The following FAM13C variants were observed in gnomAD, a reference collection of about 807,000 sequenced individuals.
FAM13C encodes family with sequence similarity 13 member C.
Under a neutral mutation model 73.2 loss-of-function variants are expected in FAM13C, and 37 were observed. The ratio of observed to expected loss-of-function variants is 0.51; its 90% CI spans 0.39 to 0.67. The LOEUF (loss-of-function observed/expected upper bound fraction) is 0.67, where lower values mean the gene tolerates loss of function less well. FAM13C is among the 30% of genes least tolerant of loss of function. FAM13C has a pLI of 0.00. For missense variants in FAM13C, 589 were observed against 715.6 expected, an observed-to-expected ratio of 0.82 and a Z score of 2.02; for synonymous variants, 246 against 260.9, an observed-to-expected ratio of 0.94 and a Z score of 0.55.
intron 3 of FAM13C, among the ~76,000 whole-genome samples, chr10:59,342,222 C>A (rs941273729): frequency 3.5e-4 from 53 of 152,110 alleles, no homozygotes; most frequent in African/African-American, 1.1e-3. Flanking sequence ...GCTTTATTAT[C>A]CCAAGAGAGT....
At chr10:59,278,085 A>T (rs1362257392) in intron 6 of FAM13C, among the ~76,000 whole-genome samples, 1 of 152,156 alleles carries the variant, frequency 6.6e-6, no homozygotes, top group Non-Finnish European at 1.5e-5. Flanking sequence ...CAGACAAGAG[A>T]AGAGAGCTTG....
intron 13 of FAM13C, 49 bp downstream of exon 13, chr10:59,251,526 C>T (rs1252644568): frequency 6.6e-7 from 1 of 1,514,492 alleles, no homozygotes; most frequent in Admixed American, 1.7e-5. Context: ...TTTTTAACAG[C>T]AATTCTCTAG....
rs954565888 is a variant in FAM13C, at chr10:59,317,851, G to A, written c.443+6137C>T. On this transcript the variant is annotated intron_variant, in intron 4 of 13. Coordinates refer to ENST00000618804, the MANE Select transcript of FAM13C (RefSeq NM_198215.4). ...GCTGGTGTGCTGCACCCATTAACTCGTCATTTAGCGTTAGGTATATCTCCT... is the reference window on the plus strand; with the variant it reads ...GCTGGTGTGCTGCACCCATTAACTCATCATTTAGCGTTAGGTATATCTCCT... Among the ~76,000 whole-genome samples the A allele has an allele frequency of 7.9e-5, 12 of 151,742 alleles. No homozygotes were observed. The South Asian group carries it at 1.9e-3, about 24-fold the overall frequency.
At position 59,251,590 on chromosome 10, in the gene FAM13C, A is replaced by C. The variant is rs1275392049; in HGVS notation, c.1619T>G (p.Phe540Cys). 6.2e-7 allele frequency: 1 copy of C among 1,613,738 alleles called. No individual in the cohort carries two copies. The highest frequency in any genetic ancestry group is 1.3e-5 in the African/African-American group (1 of 75,012). Reference sequence around the variant, plus strand: ...CGACACATACCTTCCTGTTTGTTTAAAAAACTGTTCTTCAAATTCTCTTAA... The same window carrying C: ...CGACACATACCTTCCTGTTTGTTTACAAAACTGTTCTTCAAATTCTCTTAA... ...KALREFEEQFFKQTGRSPQKE... is the reference protein window; with the variant it reads ...KALREFEEQFCKQTGRSPQKE... Residue 540 changes from phenylalanine to cysteine, a missense_variant, in exon 13 of 14, where the codon TTT becomes TGT. By Grantham distance (205) the Phe-to-Cys change is radical (BLOSUM62 -2). Coordinates refer to ENST00000618804, the MANE Select transcript of FAM13C (RefSeq NM_198215.4).
At chr10:59,299,004 G>A (rs1383457841) in intron 5 of FAM13C, among the ~76,000 whole-genome samples, 1 of 152,110 alleles carries the variant, frequency 6.6e-6, no homozygotes, top group Non-Finnish European at 1.5e-5. Context: ...TAGTGAATGG[G>A]TATAAAGTTT....
chr10:59,354,452 A>G (rs1293137773), intron 2 of FAM13C, among the ~76,000 whole-genome samples: 1 of 152,234 alleles, frequency 6.6e-6, no homozygotes, highest in African/African-American at 2.4e-5. Flanking sequence ...TGACTGAGAA[A>G]AAGCATGGTG....
chr10:59,313,916 A>G (rs1849232412), intron 4 of FAM13C, among the ~76,000 whole-genome samples: 1 of 152,196 alleles, frequency 6.6e-6, no homozygotes, highest in Non-Finnish European at 1.5e-5. Context: ...AAACTTTACT[A>G]AACTACTGAA....
At chr10:59,336,699 T>C (rs1209958645) in intron 3 of FAM13C, among the ~76,000 whole-genome samples, 1 of 152,266 alleles carries the variant, frequency 6.6e-6, no homozygotes, top group Admixed American at 6.5e-5. Context: ...AGAGTTCAGA[T>C]GCTTGGCAGC....
chr10:59,298,917 A>G (rs1043348040), intron 5 of FAM13C, among the ~76,000 whole-genome samples: 2 of 152,222 alleles, frequency 1.3e-5, no homozygotes, highest in Non-Finnish European at 2.9e-5. Flanking sequence ...AAAAAAGCCA[A>G]ACTTTTAGTA....
intron 6 of FAM13C, 122 bp from the exon 7 acceptor site, chr10:59,270,231 C>G: frequency 1.1e-6 from 1 of 940,542 alleles, no homozygotes; most frequent in Non-Finnish European, 1.6e-6. Flanking sequence ...TTTCTTCCTT[C>G]TGGGGATATG....
rs535781369 is a variant in FAM13C, at chr10:59,341,937, T to C, written c.324+10333A>G. Among the ~76,000 whole-genome samples the C allele has an allele frequency of 1.2e-4, 19 of 152,324 alleles. No homozygotes were observed. In the South Asian group the frequency reaches 3.9e-3, roughly 32 times the overall value. ...CTCACCTGTGACACTAGCCTCAGTC[T>C]AGAGCAGCAGTTTTCAAAGCCACAG... On this transcript the variant is annotated intron_variant, in intron 3 of 13. Coordinates refer to ENST00000618804, the MANE Select transcript of FAM13C (RefSeq NM_198215.4).
intron 6 of FAM13C, among the ~76,000 whole-genome samples, chr10:59,273,073 C>T (rs775026159): frequency 2.1e-4 from 32 of 152,058 alleles, no homozygotes; most frequent in African/African-American, 4.3e-4. Context: ...CTGAAACTGC[C>T]GAAAGGGAAG....
chr10:59,351,614 G>A lies in FAM13C; in HGVS notation c.324+656C>T, dbSNP rs561661938. Among the ~76,000 whole-genome samples the A allele has an allele frequency of 1.2e-4, 18 of 152,262 alleles. No homozygotes were observed. The East Asian group carries it at 1.5e-3, about 13-fold the overall frequency. On this transcript the variant is annotated intron_variant, in intron 3 of 13. Coordinates refer to ENST00000618804, the MANE Select transcript of FAM13C (RefSeq NM_198215.4). The stretch of plus-strand genomic sequence containing the variant: ...TGATTTTGCTGAGCAGAATCCCCAC[G>A]TCTGAGGCACGAAAACATCCTGGAT...
At chr10:59,284,761 C>G (rs905633230) in intron 5 of FAM13C, among the ~76,000 whole-genome samples, 3 of 150,278 alleles carry the variant, frequency 2.0e-5, no homozygotes, top group Non-Finnish European at 3.0e-5. Flanking sequence ...ACACCCTTAC[C>G]CCACACATAC....
intron 13 of FAM13C, among the ~76,000 whole-genome samples, chr10:59,249,358 C>T (rs1443379611): frequency 7.3e-6 from 1 of 136,500 alleles, no homozygotes; most frequent in Non-Finnish European, 1.5e-5. Flanking sequence ...GAGCCGAGAT[C>T]GCGTCACTGC....
chr10:59,267,522 G>A (rs1245063092), intron 8 of FAM13C, among the ~76,000 whole-genome samples: 1 of 152,154 alleles, frequency 6.6e-6, no homozygotes, highest in African/African-American at 2.4e-5. Flanking sequence ...TCAACATCCT[G>A]ACTAAAGTTG....
chr10:59,315,443 G>A (rs1849410916), intron 4 of FAM13C, among the ~76,000 whole-genome samples: 1 of 151,360 alleles, frequency 6.6e-6, no homozygotes, highest in Non-Finnish European at 1.5e-5. Flanking sequence ...GAAATTTAGT[G>A]GGGTTTTTTT....
chr10:59,275,871 T>C (rs535433999), intron 6 of FAM13C, among the ~76,000 whole-genome samples: 1 of 152,264 alleles, frequency 6.6e-6, no homozygotes, highest in East Asian at 1.9e-4. Flanking sequence ...TACCTGGCAG[T>C]TTGGGCTGTA....
intron 11 of FAM13C, chr10:59,253,668 G>C (rs1841631847): frequency 1.3e-5 from 2 of 152,140 alleles, no homozygotes; most frequent in African/African-American, 4.8e-5. Flanking sequence ...AAATGTGGAA[G>C]TATAATTTGT....
Sources: gnomAD v4.1 joint callset for allele counts (sites outside exome capture counted in the v4.1 genomes callset) on GRCh38, gnomAD v4.1.1 for gene constraint, MANE v1.5 for transcripts, NCBI Gene and HGNC (gene_info 2026-07-23, HGNC 2026-07-21) for gene names.